The following ADAMTS16 variants were observed in gnomAD, a reference collection of about 807,000 sequenced individuals.
The protein encoded by ADAMTS16 is ADAM metallopeptidase with thrombospondin type 1 motif 16, also known as A disintegrin and metalloproteinase with thrombospondin motifs 16.
ADAMTS16 carries 94 observed loss-of-function variants against 145.8 expected under a neutral mutation model. The observed-to-expected ratio is 0.64, with a 90% CI of 0.55 to 0.77. The LOEUF is 0.77. Among genes scored for constraint, ADAMTS16 ranks in the 30% least tolerant of loss-of-function variants. The pLI is 0.00. For missense variants in ADAMTS16, 1,585 were observed against 1,591.5 expected (o/e 1.00, Z 0.07); for synonymous variants, 659 against 604.3 (o/e 1.09, Z -1.33).
chr5:5,247,551 C>T (rs1481826895), intron 17 of ADAMTS16, among the ~76,000 whole-genome samples: 2 of 152,204 alleles, frequency 1.3e-5, no homozygotes, highest in South Asian at 2.1e-4. Context: ...AATTCTTTCC[C>T]ATTCCCAGAG....
chr5:5,251,574 G>GAC (rs548875119), intron 17 of ADAMTS16, among the ~76,000 whole-genome samples: 6 of 152,184 alleles, frequency 3.9e-5, no homozygotes, highest in Non-Finnish European at 8.8e-5. Context: ...GTGTGCATGT[G>GAC]ACACACACAC....
rs1015403311 is a variant in ADAMTS16 at position 5,146,495 on chromosome 5, G to C, written c.501+40G>C. 2.6e-6 allele frequency: 4 copies of C among 1,555,992 alleles called. No homozygotes were observed. In the East Asian group the frequency reaches 9.0e-5, roughly 35 times the overall value. On this transcript the variant is annotated intron_variant, in intron 3 of 22. Transcript: ENST00000274181. ...AGCCCCAGGTAGGGAGGCGAGGTTG[G>C]TGATGGTGGAAAGGAGAGCGTAACC...
chr5:5,309,097 A>G (rs918786629), intron 21 of ADAMTS16, among the ~76,000 whole-genome samples: 1 of 152,220 alleles, frequency 6.6e-6, no homozygotes, highest in African/African-American at 2.4e-5. Context: ...ACTCACACAC[A>G]CATGCATAAA....
chr5:5,241,679 G>A (rs774838062), intron 16 of ADAMTS16, among the ~76,000 whole-genome samples: 1 of 152,216 alleles, frequency 6.6e-6, no homozygotes, highest in Non-Finnish European at 1.5e-5. Flanking sequence ...CAATGAGATA[G>A]CCAAATGCTT....
At chr5:5,303,502 AG>A (rs1262253277) in intron 19 of ADAMTS16, 33 bp downstream of exon 19, 1 of 1,607,426 alleles carries the variant, frequency 6.2e-7, no homozygotes, top group Non-Finnish European at 8.5e-7. Flanking sequence ...GGGTGGCAGC[AG>A]GGCCCCTGCA....
rs545801213 is a variant in ADAMTS16, at chr5:5,187,714, G to A, written c.964-11G>A. The A allele has an allele frequency of 1.9e-6, 3 of 1,599,956 alleles. No homozygotes were observed. Among genetic ancestry groups the A allele is most frequent in the South Asian group, 1.1e-5 (1 of 90,372 alleles). Reference sequence around the variant, plus strand: ...TTTATGGGGCTGACATGGATTTCCTGTCTTTTTCAGGTATCTGCTTTATTC... The same window carrying A: ...TTTATGGGGCTGACATGGATTTCCTATCTTTTTCAGGTATCTGCTTTATTC... On this transcript the variant is annotated splice_polypyrimidine_tract_variant and intron_variant, in intron 5 of 22. Coordinates refer to ENST00000274181, the MANE Select transcript of ADAMTS16 (RefSeq NM_139056.4).
chr5:5,207,071 T>C (rs754773420), intron 9 of ADAMTS16, among the ~76,000 whole-genome samples: 4 of 152,352 alleles, frequency 2.6e-5, no homozygotes, highest in South Asian at 2.1e-4. Flanking sequence ...AATCAGTTTG[T>C]TTATATCCTC....
intron 21 of ADAMTS16, among the ~76,000 whole-genome samples, chr5:5,313,396 A>C (rs1364668861): frequency 1.3e-5 from 2 of 152,234 alleles, no homozygotes; most frequent in Non-Finnish European, 2.9e-5. Flanking sequence ...TGTTTTGCTT[A>C]TCTTCACATT....
intron 21 of ADAMTS16, among the ~76,000 whole-genome samples, chr5:5,307,055 C>A (rs941890957): frequency 2.6e-5 from 4 of 152,118 alleles, no homozygotes; most frequent in Admixed American, 6.5e-5. Flanking sequence ...GAAAGGAATG[C>A]GAGCCCTGGG....
intron 18 of ADAMTS16, among the ~76,000 whole-genome samples, chr5:5,293,861 T>A (rs1403083128): frequency 6.6e-6 from 1 of 152,156 alleles, no homozygotes; most frequent in Non-Finnish European, 1.5e-5. Context: ...TCCTGTGGTA[T>A]CTTGCCAACA....
At chr5:5,244,989 C>T (rs938333369) in intron 17 of ADAMTS16, among the ~76,000 whole-genome samples, 1 of 152,300 alleles carries the variant, frequency 6.6e-6, no homozygotes, top group East Asian at 1.9e-4. Flanking sequence ...ATGTTAATTA[C>T]AGTGACTGCT....
chr5:5,293,969 TG>T (rs1351093113), intron 18 of ADAMTS16, among the ~76,000 whole-genome samples: 2 of 151,864 alleles, frequency 1.3e-5, no homozygotes, highest in Non-Finnish European at 2.9e-5. Flanking sequence ...TTCAGACAGG[TG>T]GGGGATGGAG....
rs186468627 is a variant in ADAMTS16, at chr5:5,221,026, G to A, written c.1606-1763G>A. ...TCGGTCCAGGAGGCCTCTGTGAGCC[G>A]CCCAGGGGCTGCTCAATCTCTCTCC... On this transcript the variant is annotated intron_variant, in intron 10 of 22. Transcript: ENST00000274181. Among the ~76,000 whole-genome samples, 1,092 of 152,102 alleles carry A rather than the reference G, an allele frequency of 7.2e-3. 6 individuals are homozygous for A. Among genetic ancestry groups the A allele is most frequent in the Non-Finnish European group, 0.012 (831 of 67,980 alleles).
In ADAMTS16 at chr5:5,234,560, G is replaced by A. The variant is rs139151131; in HGVS notation, c.1851-454G>A. On this transcript the variant is annotated intron_variant, in intron 12 of 22. Transcript: ENST00000274181. ...CCTTACCATTCGTGTGTAAGAATGT[G>A]TTCTAGACCACTTAGAAATCCACTT... 2.5e-3 allele frequency among the ~76,000 whole-genome samples: 381 copies of A among 152,284 alleles called. 1 individual carries two copies. The highest frequency in any genetic ancestry group is 3.9e-3 in the Non-Finnish European group (265 of 68,018).
At chr5:5,165,652 G>T (rs1473686584) in intron 3 of ADAMTS16, among the ~76,000 whole-genome samples, 1 of 152,188 alleles carries the variant, frequency 6.6e-6, no homozygotes, top group African/African-American at 2.4e-5. Flanking sequence ...ATTAAATAGA[G>T]AAAACAGCTG....
At chr5:5,227,577 C>T (rs936928875) in intron 11 of ADAMTS16, among the ~76,000 whole-genome samples, 12 of 151,570 alleles carry the variant, frequency 7.9e-5, no homozygotes, top group African/African-American at 2.2e-4. Context: ...TTCCCCCAAC[C>T]TCCTTAGCAG....
chr5:5,309,094 C>A (rs978258614), intron 21 of ADAMTS16, among the ~76,000 whole-genome samples: 1 of 152,174 alleles, frequency 6.6e-6, no homozygotes, highest in Non-Finnish European at 1.5e-5. Flanking sequence ...CGCACTCACA[C>A]ACACATGCAT....
chr5:5,297,711 C>T (rs1468430644), intron 18 of ADAMTS16, among the ~76,000 whole-genome samples: 1 of 152,192 alleles, frequency 6.6e-6, no homozygotes, highest in Non-Finnish European at 1.5e-5. Context: ...CTCCTCCACA[C>T]CTTTGGCTCC....
At chr5:5,186,655 G>A (rs1735509128) in intron 5 of ADAMTS16, among the ~76,000 whole-genome samples, 1 of 152,098 alleles carries the variant, frequency 6.6e-6, no homozygotes, top group Admixed American at 6.5e-5. Context: ...AAATACTAAT[G>A]TTCAAATGCT....
Sources: allele counts gnomAD v4.1 joint callset (sites outside exome capture counted in the v4.1 genomes callset), GRCh38; gene constraint gnomAD v4.1.1; transcripts MANE v1.5; gene names NCBI Gene and HGNC (gene_info 2026-07-23, HGNC 2026-07-21).